The following IL1RAPL1 variants were observed in gnomAD, a reference collection of about 807,000 sequenced individuals.
IL1RAPL1 encodes the protein interleukin 1 receptor accessory protein like 1.
A neutral mutation model predicts 48.4 loss-of-function variants in IL1RAPL1; 3 were observed. The observed-to-expected ratio is 0.06, with a 90% CI of 0.03 to 0.16. The LOEUF (loss-of-function observed/expected upper bound fraction) is 0.16, where lower values mean the gene tolerates loss of function less well. Ranked by LOEUF, IL1RAPL1 falls within the 10% of genes least tolerant of loss-of-function variation. The pLI is 1.00. For synonymous variants in IL1RAPL1, 185 were observed against 187.7 expected, an observed-to-expected ratio of 0.99 and a Z score of 0.12; for missense variants, 349 against 530.6, an observed-to-expected ratio of 0.66 and a Z score of 3.36.
chrX:29,061,906 G>A (rs963692436), intron 2 of IL1RAPL1, among the ~76,000 whole-genome samples: 1 of 112,255 alleles, frequency 8.9e-6, no homozygotes. Context: ...AACTTAACCT[G>A]TGCACAAATT....
chrX:28,621,892 TATTA>T (rs1934288426), intron 1 of IL1RAPL1, among the ~76,000 whole-genome samples: 1 of 111,594 alleles, frequency 9.0e-6, no homozygotes, highest in African/African-American at 3.3e-5. Flanking sequence ...ACAGCATCAG[TATTA>T]ATTTACGATC....
chrX:29,747,253 C>T (rs751435447), intron 6 of IL1RAPL1, among the ~76,000 whole-genome samples: 1 of 112,213 alleles, frequency 8.9e-6, no homozygotes, highest in South Asian at 3.7e-4. Context: ...TGCTCTTACT[C>T]CATTGTGAAT....
chrX:28,840,533 TACAA>T (rs960778345), intron 2 of IL1RAPL1, among the ~76,000 whole-genome samples: 1 of 111,230 alleles, frequency 9.0e-6, no homozygotes, highest in African/African-American at 3.2e-5. Flanking sequence ...TCCTTTGTAT[TACAA>T]ACAATGTAAT....
Position 29,140,747 on chromosome X carries a change from G to A in IL1RAPL1, c.83-142191G>A, listed in dbSNP as rs139233088. The stretch of plus-strand genomic sequence containing the variant: ...CAGATTCAGTGTGTGGTGAGGGCTC[G>A]TTCTCTGCTTCACAGAGGGCACCAT... On this transcript the variant is annotated intron_variant, in intron 2 of 10. Coordinates refer to ENST00000378993, the MANE Select transcript of IL1RAPL1 (RefSeq NM_014271.4). 6.8e-3 allele frequency among the ~76,000 whole-genome samples: 764 copies of A among 111,681 alleles called. 7 individuals carry two copies. The highest frequency in any genetic ancestry group is 0.022 in the African/African-American group (669 of 30,744).
Position 28,793,535 on chromosome X carries a change from A to T in IL1RAPL1, c.82+4110A>T, listed in dbSNP as rs143271525. Among the ~76,000 whole-genome samples the T allele has an allele frequency of 4.2e-3, 465 of 111,895 alleles. 6 individuals are homozygous for T. Among genetic ancestry groups the T allele is most frequent in the African/African-American group, 0.014 (445 of 30,853 alleles). ...TTTGTCTGCATGGTTGAAGTATTTG[A>T]AATATTCTATCTTTACAAGGCCATT... On this transcript the variant is annotated intron_variant, in intron 2 of 10. Transcript: ENST00000378993.
chrX:29,118,159 A>G (rs1024961601), intron 2 of IL1RAPL1, among the ~76,000 whole-genome samples: 7 of 112,219 alleles, frequency 6.2e-5, no homozygotes. Flanking sequence ...TGTGTTCTGT[A>G]TAAGTACAGA....
chrX:29,798,618 T>A (rs1929802758), intron 6 of IL1RAPL1, among the ~76,000 whole-genome samples: 1 of 112,110 alleles, frequency 8.9e-6, no homozygotes, highest in Non-Finnish European at 1.9e-5. Flanking sequence ...TTTGAGTTAA[T>A]GAAAATGCAG....
At chrX:29,799,610 A>T (rs1024184416) in intron 6 of IL1RAPL1, among the ~76,000 whole-genome samples, 7 of 112,251 alleles carry the variant, frequency 6.2e-5, no homozygotes, top group Admixed American at 9.5e-5. Context: ...AAAATAATAA[A>T]AAGTCAAGAA....
At chrX:29,080,976 CTTTCTTTCTT>C (rs1569232740) in intron 2 of IL1RAPL1, among the ~76,000 whole-genome samples, 19 of 43,877 alleles carry the variant, frequency 4.3e-4, no homozygotes, top group African/African-American at 9.5e-4. Context: ...TTCTTTCTTT[CTTTCTTTCTT>C]TCTTTCTTTC....
At chrX:29,317,241 A>T (rs1294693277) in intron 3 of IL1RAPL1, among the ~76,000 whole-genome samples, 1 of 112,031 alleles carries the variant, frequency 8.9e-6, no homozygotes, top group Non-Finnish European at 1.9e-5. Context: ...TGGTATCAAG[A>T]AAAATGCCAG....
At chrX:29,617,089 G>A (rs1488809503) in intron 5 of IL1RAPL1, among the ~76,000 whole-genome samples, 3 of 111,222 alleles carry the variant, frequency 2.7e-5, no homozygotes, top group African/African-American at 9.8e-5. Flanking sequence ...GGAGCATGTA[G>A]CGCTGACTCA....
At chrX:29,604,316 T>G (rs1257025892) in intron 5 of IL1RAPL1, among the ~76,000 whole-genome samples, 1 of 112,389 alleles carries the variant, frequency 8.9e-6, no homozygotes, top group Non-Finnish European at 1.9e-5. Context: ...TTGAAAACTT[T>G]TTGATAAAAT....
chrX:29,183,177 A>G (rs995806257), intron 2 of IL1RAPL1, among the ~76,000 whole-genome samples: 7 of 111,709 alleles, frequency 6.3e-5, no homozygotes, highest in Admixed American at 3.8e-4. Flanking sequence ...TTGTCTTCCA[A>G]TGAATGTGAC....
At chrX:28,856,438 TG>T (rs1167198384) in intron 2 of IL1RAPL1, among the ~76,000 whole-genome samples, 2 of 112,025 alleles carry the variant, frequency 1.8e-5, no homozygotes, top group African/African-American at 6.5e-5. Flanking sequence ...CGTGTTTTAT[TG>T]TGCTCTACTT....
intron 5 of IL1RAPL1, among the ~76,000 whole-genome samples, chrX:29,447,744 G>A (rs148924185): frequency 1.1e-3 from 123 of 112,103 alleles, no homozygotes; most frequent in Non-Finnish European, 1.8e-3. Flanking sequence ...TCAGGTTATA[G>A]GAAGTATCAC....
chrX:29,401,213 GTT>G (rs1933988751), intron 5 of IL1RAPL1, among the ~76,000 whole-genome samples: 1 of 111,915 alleles, frequency 8.9e-6, no homozygotes, highest in Admixed American at 9.5e-5. Flanking sequence ...GGAAGATAAA[GTT>G]TTAATGAAAG....
intron 2 of IL1RAPL1, among the ~76,000 whole-genome samples, chrX:29,124,137 A>G (rs1475583602): frequency 8.9e-6 from 1 of 111,965 alleles, no homozygotes; most frequent in Non-Finnish European, 1.9e-5. Flanking sequence ...CTGCACAAGT[A>G]ACGGAAATAT....
chrX:29,517,543 C>T (rs1420825549), intron 5 of IL1RAPL1, among the ~76,000 whole-genome samples: 1 of 111,404 alleles, frequency 9.0e-6, no homozygotes, highest in Admixed American at 9.6e-5. Flanking sequence ...GACCCTGAGA[C>T]TTTATTCAGT....
rs764753609 is a variant in IL1RAPL1, at chrX:29,588,690, C to T, written c.704-79740C>T. 4.2e-4 allele frequency among the ~76,000 whole-genome samples: 47 copies of T among 111,885 alleles called. No homozygotes were observed. In the South Asian group the frequency reaches 0.013, roughly 32 times the overall value. On this transcript the variant is annotated intron_variant, in intron 5 of 10. Transcript: ENST00000378993. ...TAACAAGAAGATTATTAGGAGGCAA[C>T]AAAGATAGGCTTGGCCTCTGTTGAT...
Sources: gnomAD v4.1 joint callset for allele counts (sites outside exome capture counted in the v4.1 genomes callset) on GRCh38, gnomAD v4.1.1 for gene constraint, MANE v1.5 for transcripts, NCBI Gene and HGNC (gene_info 2026-07-23, HGNC 2026-07-21) for gene names.